CELF2: variants seen among roughly 807,000 people sequenced by gnomAD.
CELF2 encodes CUGBP Elav-like family member 2.
CELF2 carries 8 observed loss-of-function variants against 62.6 expected under a neutral mutation model. The observed-to-expected ratio is 0.13, with a 90% CI of 0.07 to 0.23. The LOEUF is 0.23. Among genes scored for constraint, CELF2 ranks in the 10% least tolerant of loss-of-function variants. CELF2 has a pLI of 1.00. For synonymous variants in CELF2, 258 were observed against 250.0 expected, an observed-to-expected ratio of 1.03 and a Z score of -0.30; for missense variants, 333 against 671.0, an observed-to-expected ratio of 0.50 and a Z score of 5.56.
the CELF2 span, among the ~76,000 whole-genome samples, chr10:10,487,709 A>C: frequency 6.6e-6 from 1 of 152,206 alleles, no homozygotes; most frequent in South Asian, 2.1e-4. Context: ...ATTCCAGTGG[A>C]ATTGTTAAGA....
chr10:10,924,264 A>C (rs1228385976), intron 2 of CELF2, among the ~76,000 whole-genome samples: 10 of 132,258 alleles, frequency 7.6e-5, no homozygotes, highest in Middle Eastern at 3.8e-3. Context: ...CCTGGGCAAC[A>C]CAGCGAGACT....
intron 1 of CELF2, among the ~76,000 whole-genome samples, chr10:11,028,424 T>TTTTC (rs1351537503): frequency 5.5e-4 from 2 of 3,642 alleles, no homozygotes; most frequent in Non-Finnish European, 0.5. Flanking sequence ...TTCTTTTTCT[T>TTTTC]TTTTTTTTTT....
At chr10:10,532,872 A>C in the CELF2 span, among the ~76,000 whole-genome samples, 1 of 125,230 alleles carries the variant, frequency 8.0e-6, no homozygotes, top group Non-Finnish European at 1.7e-5. Context: ...CCTCTTCTCA[A>C]AGAGACAAAA....
At chr10:10,830,197 T>G (rs2057730083) in intron 1 of CELF2, among the ~76,000 whole-genome samples, 1 of 150,298 alleles carries the variant, frequency 6.7e-6, no homozygotes, top group African/African-American at 2.5e-5. Context: ...CACTTAGATA[T>G]CTATAAGCAA....
At chr10:10,825,259 G>A (rs947420760) in intron 1 of CELF2, among the ~76,000 whole-genome samples, 1 of 152,170 alleles carries the variant, frequency 6.6e-6, no homozygotes, top group Non-Finnish European at 1.5e-5. Context: ...ACCCAGGCTG[G>A]AGTGCAGTGG....
Position 11,324,993 on chromosome 10 carries a change from G to A in CELF2, c.1295-843G>A, listed in dbSNP as rs987936907. Among the ~76,000 whole-genome samples the A allele has an allele frequency of 1.4e-4, 22 of 152,140 alleles. No individual in the cohort carries two copies. The highest frequency in any genetic ancestry group is 3.6e-4 in the African/African-American group (15 of 41,402). On this transcript the variant is annotated intron_variant, in intron 11 of 12. Coordinates refer to ENST00000633077, the MANE Select transcript of CELF2 (RefSeq NM_001326342.2). The surrounding 1 kb of genome is among the most constrained non-coding windows in gnomAD (Gnocchi z 4.7). ...GCTCATATTTATGCCCTTTTGTGCCGCTTTTAACTTTCACATGGTGCTCAT... is the reference window on the plus strand; with the variant it reads ...GCTCATATTTATGCCCTTTTGTGCCACTTTTAACTTTCACATGGTGCTCAT...
At position 11,333,725 on chromosome 10, in the gene CELF2, T is replaced by C. The variant is rs985676757; in HGVS notation, c.*4672T>C. 6.6e-5 allele frequency: 10 copies of C among 152,620 alleles called. No individual in the cohort carries two copies. Among genetic ancestry groups the C allele is most frequent in the Non-Finnish European group, 1.5e-4 (10 of 68,020 alleles). The allele number at this position is 152,620 out of a possible 1,614,324, so 9.5% of individuals were successfully genotyped here. On this transcript the variant is annotated 3_prime_UTR_variant, in exon 13 of 13. Transcript: ENST00000633077. ...GAGAAAAGCCAAAGTTAATGCAACCTAGTGGAAACTGTAAGACCATTTGAG... is the reference window on the plus strand; with the variant it reads ...GAGAAAAGCCAAAGTTAATGCAACCCAGTGGAAACTGTAAGACCATTTGAG...
the CELF2 span, among the ~76,000 whole-genome samples, chr10:10,504,566 C>A: frequency 6.6e-6 from 1 of 152,072 alleles, no homozygotes; most frequent in Non-Finnish European, 1.5e-5. Context: ...AGGTTTATGT[C>A]TCTTAATAGA....
the CELF2 span, among the ~76,000 whole-genome samples, chr10:10,616,128 C>T: frequency 1.3e-5 from 2 of 152,120 alleles, no homozygotes; most frequent in East Asian, 3.9e-4. Context: ...GATGTGTGAC[C>T]AGAGGCTGAC....
At chr10:10,537,948 G>A in the CELF2 span, among the ~76,000 whole-genome samples, 1 of 152,280 alleles carries the variant, frequency 6.6e-6, no homozygotes, top group Admixed American at 6.5e-5. Flanking sequence ...TAGGAAGGGT[G>A]CAGTGCATAC....
rs1467149971 is a variant in CELF2 at position 11,145,985 on chromosome 10, CT to C, written c.75-19497del. 2.0e-5 allele frequency among the ~76,000 whole-genome samples: 3 copies of C among 152,196 alleles called. No individual in the cohort carries two copies. Among genetic ancestry groups the C allele is most frequent in the Non-Finnish European group, 2.9e-5 (2 of 68,032 alleles). On this transcript the variant is annotated intron_variant, in intron 1 of 12. Coordinates refer to ENST00000633077, the MANE Select transcript of CELF2 (RefSeq NM_001326342.2). This position sits in a 1 kb window ranked among gnomAD's most constrained non-coding sequence, Gnocchi z 4.3. ...TACCTACCTGTACTCTCCTCTGGTA[CT>C]TTTAGACGGTGTAAAACATTTCACT...
intron 1 of CELF2, among the ~76,000 whole-genome samples, chr10:10,896,362 A>C (rs544129875): frequency 6.6e-6 from 1 of 152,284 alleles, no homozygotes; most frequent in African/African-American, 2.4e-5. Flanking sequence ...AAATATAAAC[A>C]GGTTAAAAAG....
At position 11,206,625 on chromosome 10, in the gene CELF2, G is replaced by C. The variant is rs1275417790; in HGVS notation, c.272-10800G>C. Among the ~76,000 whole-genome samples the C allele has an allele frequency of 2.0e-5, 3 of 152,196 alleles. No individual in the cohort carries two copies. In the East Asian group the frequency reaches 5.8e-4, roughly 29 times the overall value. On this transcript the variant is annotated intron_variant, in intron 2 of 12. Transcript: ENST00000633077. ...ACCCCAGGGAGACCAGCTGGCCAGGGAGTTGAGCCAATTAACGTCCACTTT... is the reference window on the plus strand; with the variant it reads ...ACCCCAGGGAGACCAGCTGGCCAGGCAGTTGAGCCAATTAACGTCCACTTT...
chr10:11,132,156 A>G (rs1300246182), intron 1 of CELF2, among the ~76,000 whole-genome samples: 1 of 152,222 alleles, frequency 6.6e-6, no homozygotes, highest in African/African-American at 2.4e-5. Flanking sequence ...GTTGTTTGTA[A>G]CAATTTTGCT....
chr10:10,605,295 G>C, the CELF2 span, among the ~76,000 whole-genome samples: 3 of 152,140 alleles, frequency 2.0e-5, no homozygotes, highest in Non-Finnish European at 4.4e-5. Context: ...GGGAGGGAGA[G>C]CATTAGGGAA....
intron 9 of CELF2, among the ~76,000 whole-genome samples, chr10:11,293,674 C>G (rs1032068670): frequency 1.3e-5 from 2 of 152,250 alleles, no homozygotes; most frequent in South Asian, 4.1e-4. Flanking sequence ...GATGTGGGCA[C>G]TCACTTTGTG....
chr10:10,684,120 A>T, the CELF2 span, among the ~76,000 whole-genome samples: 1 of 152,206 alleles, frequency 6.6e-6, no homozygotes, highest in East Asian at 1.9e-4. Context: ...CCTCGGGATG[A>T]AGGGATGAAG....
chr10:10,510,473 A>T, the CELF2 span, among the ~76,000 whole-genome samples: 8 of 152,360 alleles, frequency 5.3e-5, no homozygotes, highest in Admixed American at 4.6e-4. Context: ...CTTTGCGTTT[A>T]TCTTCATCTT....
chr10:10,845,296 C>T (rs1395843781), intron 1 of CELF2, among the ~76,000 whole-genome samples: 1 of 148,752 alleles, frequency 6.7e-6, no homozygotes, highest in Non-Finnish European at 1.5e-5. Flanking sequence ...AATGCAGTCT[C>T]AGTTTCCTGT....
Sources: allele counts gnomAD v4.1 joint callset (sites outside exome capture counted in the v4.1 genomes callset), GRCh38; gene constraint gnomAD v4.1.1; non-coding constraint Gnocchi (gnomAD v3.1); transcripts MANE v1.5; gene names NCBI Gene and HGNC (gene_info 2026-07-23, HGNC 2026-07-21).